The following LRRC1 variants were observed in gnomAD, a reference collection of about 807,000 sequenced individuals.
LRRC1 encodes leucine rich repeat containing 1.
LRRC1 carries 28 observed loss-of-function variants against 69.9 expected under a neutral mutation model. The ratio of observed to expected loss-of-function variants is 0.40; its 90% confidence interval spans 0.30 to 0.55. LRRC1 has a LOEUF of 0.55. Among genes scored for constraint, LRRC1 ranks in the 20% least tolerant of loss-of-function variants. The pLI is 0.47. For missense variants in LRRC1, 498 were observed against 609.0 expected, an observed-to-expected ratio of 0.82 and a Z score of 1.92; for synonymous variants, 236 against 240.2, an observed-to-expected ratio of 0.98 and a Z score of 0.16.
intron 2 of LRRC1, among the ~76,000 whole-genome samples, chr6:53,846,889 C>T (rs1344345192): frequency 6.6e-6 from 1 of 152,198 alleles, no homozygotes; most frequent in Non-Finnish European, 1.5e-5. Flanking sequence ...ATAGTAGGAT[C>T]TTGCTATTCA....
At chr6:53,921,246 G>T (rs560804575) in intron 13 of LRRC1, among the ~76,000 whole-genome samples, 15 of 152,202 alleles carry the variant, frequency 9.9e-5, no homozygotes, top group Non-Finnish European at 1.9e-4. Flanking sequence ...GGGACTACAG[G>T]CATGAGCCAC....
chr6:53,863,469 T>C (rs1397931036), intron 2 of LRRC1, among the ~76,000 whole-genome samples: 1 of 152,196 alleles, frequency 6.6e-6, no homozygotes, highest in Non-Finnish European at 1.5e-5. Context: ...TCTTCATCTC[T>C]CCACGTAGAT....
At chr6:53,827,529 C>T (rs1437901231) in intron 1 of LRRC1, among the ~76,000 whole-genome samples, 1 of 152,044 alleles carries the variant, frequency 6.6e-6, no homozygotes, top group East Asian at 1.9e-4. Context: ...GGGTAAAGGC[C>T]TCAGAGAGGT....
chr6:53,835,819 A>G (rs1765598052), intron 1 of LRRC1, among the ~76,000 whole-genome samples: 1 of 152,192 alleles, frequency 6.6e-6, no homozygotes, highest in African/African-American at 2.4e-5. Flanking sequence ...GTTCTGTGGC[A>G]TATCTGAGGT....
intron 1 of LRRC1, among the ~76,000 whole-genome samples, chr6:53,795,958 G>A (rs1292957809): frequency 2.6e-5 from 4 of 152,248 alleles, no homozygotes; most frequent in Non-Finnish European, 5.9e-5. Context: ...TATCGCGGGT[G>A]GGCTTGGCCG....
intron 10 of LRRC1, among the ~76,000 whole-genome samples, chr6:53,910,221 G>A (rs1768366220): frequency 6.6e-6 from 1 of 152,090 alleles, no homozygotes; most frequent in African/African-American, 2.4e-5. Flanking sequence ...CCAACCCCTT[G>A]TATTCTGGGA....
At chr6:53,911,708 C>A (rs1768416098) in intron 10 of LRRC1, among the ~76,000 whole-genome samples, 1 of 152,216 alleles carries the variant, frequency 6.6e-6, no homozygotes, top group African/African-American at 2.4e-5. Flanking sequence ...CCACCTGGAG[C>A]AGGGATGCGG....
chr6:53,870,871 A>C (rs1343686910), intron 2 of LRRC1, among the ~76,000 whole-genome samples: 1 of 152,208 alleles, frequency 6.6e-6, no homozygotes, highest in South Asian at 2.1e-4. Flanking sequence ...GGTTACACAT[A>C]TGAGTGAGAT....
intron 1 of LRRC1, among the ~76,000 whole-genome samples, chr6:53,806,475 A>T (rs1489923515): frequency 6.6e-6 from 1 of 152,144 alleles, no homozygotes; most frequent in Non-Finnish European, 1.5e-5. Context: ...CCTGGGTGTC[A>T]GCGCTGGGTT....
At chr6:53,811,052 G>A (rs962289757) in intron 1 of LRRC1, among the ~76,000 whole-genome samples, 6 of 152,118 alleles carry the variant, frequency 3.9e-5, no homozygotes, top group African/African-American at 1.4e-4. Context: ...AATTCAGTGC[G>A]TTAATCACAG....
chr6:53,842,338 G>GAT, intron 2 of LRRC1, 111 bp downstream of exon 2: 1 of 690,424 alleles, frequency 1.4e-6, no homozygotes, highest in Non-Finnish European at 2.5e-6. Flanking sequence ...TTGTCCTTGT[G>GAT]ATAGTTCGCT....
intron 4 of LRRC1, among the ~76,000 whole-genome samples, chr6:53,890,580 A>G (rs745998211): frequency 2.0e-4 from 31 of 152,178 alleles, no homozygotes; most frequent in Non-Finnish European, 4.0e-4. Context: ...CTTTTTTTGA[A>G]AACTATTACC....
chr6:53,883,879 A>G, intron 4 of LRRC1: 1 of 716,310 alleles, frequency 1.4e-6, no homozygotes. Context: ...TCTGTTTTGC[A>G]AAAGTTCTCT....
rs1215787076 is a variant in LRRC1, at chr6:53,842,139, G to A, written c.189G>A (p.Lys63=). The part of the protein sequence containing the change: ...EQFFQLVKLR[K]LGLSDNEIQR... ...TTTTCCAGCTAGTCAAATTACGAAA[G>A]CTTGGACTTAGTGATAATGAAATTC... is the stretch of plus-strand genomic sequence containing the variant. The change falls in exon 2 of 14, where the codon AAG becomes AAA. Residue 63 remains lysine (K), a synonymous_variant. Transcript: ENST00000370888. 1 of 1,613,510 alleles carries A rather than the reference G, an allele frequency of 6.2e-7. No homozygotes were observed. Among genetic ancestry groups the A allele is most frequent in the African/African-American group, 1.3e-5 (1 of 74,900 alleles).
chr6:53,892,138 A>G (rs1354381831), intron 4 of LRRC1, among the ~76,000 whole-genome samples: 1 of 152,040 alleles, frequency 6.6e-6, no homozygotes, highest in East Asian at 1.9e-4. Flanking sequence ...GCAGCACAAC[A>G]TAGTGGTTAA....
At chr6:53,853,981 C>T (rs909487634) in intron 2 of LRRC1, among the ~76,000 whole-genome samples, 8 of 152,266 alleles carry the variant, frequency 5.3e-5, no homozygotes, top group East Asian at 3.9e-4. Flanking sequence ...GATACACTAA[C>T]GTGATGACAT....
chr6:53,886,747 T>C (rs1767493302), intron 4 of LRRC1, among the ~76,000 whole-genome samples: 1 of 152,244 alleles, frequency 6.6e-6, no homozygotes, highest in Non-Finnish European at 1.5e-5. Flanking sequence ...AAATTTTACA[T>C]CTTTCATCAT....
At chr6:53,916,908 G>C (rs1768583056) in intron 11 of LRRC1, among the ~76,000 whole-genome samples, 1 of 152,106 alleles carries the variant, frequency 6.6e-6, no homozygotes, top group Non-Finnish European at 1.5e-5. Context: ...CTTACAGTTT[G>C]GTTATTCATT....
chr6:53,855,672 C>G (rs886187624), intron 2 of LRRC1, among the ~76,000 whole-genome samples: 5 of 152,126 alleles, frequency 3.3e-5, no homozygotes, highest in African/African-American at 1.2e-4. Context: ...GGACCTGTGC[C>G]CATTTGACAT....
Sources: gnomAD v4.1 joint callset for allele counts (sites outside exome capture counted in the v4.1 genomes callset) on GRCh38, gnomAD v4.1.1 for gene constraint, MANE v1.5 for transcripts, NCBI Gene and HGNC (gene_info 2026-07-23, HGNC 2026-07-21) for gene names.